Variants in SLURP2 observed in about 807,000 individuals in gnomAD.
SLURP2 encodes secreted Ly-6/uPAR domain-containing protein 2.
Under a neutral mutation model 9.8 loss-of-function variants are expected in SLURP2, and 4 were observed. The observed-to-expected ratio is 0.41, with a 90% CI of 0.20 to 0.94. SLURP2 has a LOEUF of 0.94. Among genes scored for constraint, SLURP2 ranks in the 40% least tolerant of loss-of-function variants. SLURP2 has a pLI of 0.32. For synonymous variants in SLURP2, 58 were observed against 56.2 expected, an observed-to-expected ratio of 1.03 and a Z score of -0.15; for missense variants, 118 against 126.4, an observed-to-expected ratio of 0.93 and a Z score of 0.32.
intron 1 of SLURP2, among the ~76,000 whole-genome samples, chr8:142,765,641 T>C (rs894664256): frequency 6.6e-6 from 1 of 152,094 alleles, no homozygotes; most frequent in Admixed American, 6.5e-5. Context: ...GACCAGGATG[T>C]GGTGGAACAG....
At chr8:142,767,542 C>T (rs1479900710) in intron 1 of SLURP2, among the ~76,000 whole-genome samples, 3 of 152,188 alleles carry the variant, frequency 2.0e-5, no homozygotes, top group African/African-American at 7.2e-5. Flanking sequence ...AGAACCAGCT[C>T]CAGCCTGTCC....
intron 2 of SLURP2, 26 bp downstream of exon 2, chr8:142,765,010 G>A: frequency 6.4e-7 from 1 of 1,571,872 alleles, no homozygotes; most frequent in Non-Finnish European, 8.7e-7. Context: ...GAAGGACGTG[G>A]CCAGCCCACC....
chr8:142,766,764 A>G (rs1160647383), intron 1 of SLURP2, among the ~76,000 whole-genome samples: 2 of 152,186 alleles, frequency 1.3e-5, no homozygotes, highest in Non-Finnish European at 2.9e-5. Flanking sequence ...GGACTGGGTA[A>G]GCAGAGTCCC....
At position 142,764,400 on chromosome 8, in the gene SLURP2, C is replaced by A; in HGVS notation, c.*205G>T. 1 of 677,548 alleles carries A rather than the reference C, an allele frequency of 1.5e-6. No homozygotes were observed. Among genetic ancestry groups the A allele is most frequent in the South Asian group, 1.6e-5 (1 of 62,190 alleles). 42.0% of individuals were successfully genotyped at this position (677,548 alleles called of 1,614,324 possible). A position where few individuals can be genotyped will look rare whatever the true frequency, so the allele number is the denominator to read the frequency against. The stretch of plus-strand genomic sequence containing the variant: ...GGTCGGGACCTGAAGGGGCGGCAGG[C>A]ACGATGGGCCCCAGGCTTGGACGGC... On this transcript the variant is annotated 3_prime_UTR_variant, in exon 3 of 3. Coordinates refer to ENST00000317543, the MANE Select transcript of SLURP2 (RefSeq NM_177458.3).
At chr8:142,765,674 G>C (rs1003253464) in intron 1 of SLURP2, among the ~76,000 whole-genome samples, 7 of 152,188 alleles carry the variant, frequency 4.6e-5, no homozygotes, top group Non-Finnish European at 8.8e-5. Flanking sequence ...ATTAAAGAAT[G>C]TGTAGGCCGG....
At chr8:142,765,454 T>C (rs965909642) in intron 1 of SLURP2, among the ~76,000 whole-genome samples, 1 of 143,562 alleles carries the variant, frequency 7.0e-6, no homozygotes, top group African/African-American at 2.5e-5. Context: ...CCTGGGCTAT[T>C]TGGGGTCCCA....
intron 1 of SLURP2, among the ~76,000 whole-genome samples, chr8:142,767,871 C>T (rs1345228063): frequency 6.6e-6 from 1 of 151,392 alleles, no homozygotes; most frequent in East Asian, 2.0e-4. Flanking sequence ...CTTAATGAGG[C>T]CCAGGAGAGG....
rs1426040172 is a variant in SLURP2, at chr8:142,768,031, G to A, written c.52+1724C>T. Among the ~76,000 whole-genome samples the A allele has an allele frequency of 6.6e-6, 1 of 151,924 alleles. No individual in the cohort carries two copies. Among genetic ancestry groups the A allele is most frequent in the Admixed American group, 6.6e-5 (1 of 15,252 alleles). On this transcript the variant is annotated intron_variant, in intron 1 of 2. Transcript: ENST00000317543. The surrounding 1 kb of genome is among the most constrained non-coding windows in gnomAD (Gnocchi z 4.8). Reference sequence around the variant, plus strand: ...TTTCAGCAATGAGATCCTGAGGGAAGCAGATAAAATGTTAGCTCCAAACCG... The same window carrying A: ...TTTCAGCAATGAGATCCTGAGGGAAACAGATAAAATGTTAGCTCCAAACCG...
chr8:142,766,040 C>T (rs934797149), intron 1 of SLURP2: 1 of 151,900 alleles, frequency 6.6e-6, no homozygotes, highest in African/African-American at 2.4e-5. Context: ...TGTAAGAAAA[C>T]CCAATTCCCT....
chr8:142,767,550 T>C (rs1815043441), intron 1 of SLURP2, among the ~76,000 whole-genome samples: 1 of 152,156 alleles, frequency 6.6e-6, no homozygotes, highest in African/African-American at 2.4e-5. Flanking sequence ...CTCCAGCCTG[T>C]CCACTACACA....
rs1453463101 is a variant in SLURP2 at position 142,768,296 on chromosome 8, TGCATGGCTGGGG to T, written c.52+1447_52+1458del. Reference sequence around the variant, plus strand: ...TGGTGGGATGGGCTCTGGGTGTAGCTGCATGGCTGGGGGCAGGTCTCTCCCACTGGGGACCCC... The same window carrying T: ...TGGTGGGATGGGCTCTGGGTGTAGCTGCAGGTCTCTCCCACTGGGGACCCC... On this transcript the variant is annotated intron_variant, in intron 1 of 2. Coordinates refer to ENST00000317543, the MANE Select transcript of SLURP2 (RefSeq NM_177458.3). This position sits in a 1 kb window ranked among gnomAD's most constrained non-coding sequence, Gnocchi z 4.8. Among the ~76,000 whole-genome samples the T allele has an allele frequency of 5.3e-5, 8 of 151,234 alleles. No individual in the cohort carries two copies. The highest frequency in any genetic ancestry group is 7.4e-5 in the Non-Finnish European group (5 of 67,772).
chr8:142,765,468 T>G (rs1225106756), intron 1 of SLURP2, among the ~76,000 whole-genome samples: 8 of 130,130 alleles, frequency 6.1e-5, no homozygotes, highest in South Asian at 2.8e-4. Context: ...GGTCCCAGGG[T>G]GGGGGGTGGG....
chr8:142,769,099 G>A (rs1360711092), intron 1 of SLURP2, among the ~76,000 whole-genome samples: 1 of 152,064 alleles, frequency 6.6e-6, no homozygotes, highest in Non-Finnish European at 1.5e-5. Context: ...CCAAGGCCAG[G>A]TGTGCACAGC....
chr8:142,766,024 G>A (rs1268610875), intron 1 of SLURP2: 1 of 151,966 alleles, frequency 6.6e-6, no homozygotes, highest in Admixed American at 6.6e-5. Context: ...CAGAAACTCA[G>A]TTGTATGTAA....
Position 142,764,969 on chromosome 8 carries a change from C to G in SLURP2, c.157+67G>C, listed in dbSNP as rs1387430736. On this transcript the variant is annotated intron_variant, in intron 2 of 2. Coordinates refer to ENST00000317543, the MANE Select transcript of SLURP2 (RefSeq NM_177458.3). ...GGGTGCCTGGATCTGGCTCTGTCAC[C>G]CTCTGAGCCCACATCTTCCCACCTG... is the stretch of plus-strand genomic sequence containing the variant. 2.2e-6 allele frequency: 3 copies of G among 1,385,564 alleles called. No individual in the cohort carries two copies. In the African/African-American group the frequency reaches 4.3e-5, roughly 20 times the overall value. 85.8% of individuals were successfully genotyped at this position (1,385,564 alleles called of 1,614,324 possible).
At position 142,764,646 on chromosome 8, in the gene SLURP2, A is replaced by T; in HGVS notation, c.253T>A (p.Ser85Thr). 1 of 1,609,574 alleles carries T rather than the reference A, an allele frequency of 6.2e-7. No individual in the cohort carries two copies. Among genetic ancestry groups the T allele is most frequent in the South Asian group, 1.1e-5 (1 of 90,804 alleles). The part of the protein sequence containing the change: ...IPSLGLGPYV[S>T]IACCQTSLCN... ...AGGCTGGTCTGGCAGCAAGCGATGG[A>T]TACGTAGGGGCCCAGGCCCAGGCTG... Residue 85 changes from serine (S) to threonine (T), a missense_variant, in exon 3 of 3, where the codon TCC (serine) becomes ACC (threonine). Ser to Thr is a moderately conservative substitution (Grantham distance 58). Transcript: ENST00000317543.
intron 1 of SLURP2, among the ~76,000 whole-genome samples, chr8:142,767,118 C>T (rs941966850): frequency 3.9e-5 from 6 of 152,268 alleles, no homozygotes; most frequent in Non-Finnish European, 8.8e-5. Context: ...ACACCAGGCC[C>T]CTGCCACGGG....
intron 1 of SLURP2, among the ~76,000 whole-genome samples, chr8:142,767,452 G>A (rs1206019293): frequency 3.3e-5 from 5 of 152,202 alleles, no homozygotes; most frequent in Non-Finnish European, 7.3e-5. Flanking sequence ...CTGGGGTGGG[G>A]GGTAGCAGGG....
intron 1 of SLURP2, among the ~76,000 whole-genome samples, chr8:142,769,443 C>T (rs1815103800): frequency 2.0e-5 from 3 of 146,696 alleles, no homozygotes; most frequent in Non-Finnish European, 4.5e-5. Flanking sequence ...TGCACGTGCA[C>T]GAAGGTGCGT....
Sources: gnomAD v4.1 joint callset for allele counts (sites outside exome capture counted in the v4.1 genomes callset) on GRCh38, gnomAD v4.1.1 for gene constraint, Gnocchi (gnomAD v3.1) non-coding constraint, MANE v1.5 for transcripts, NCBI Gene and HGNC (gene_info 2026-07-23, HGNC 2026-07-21) for gene names.